Variants in ZNF385D observed in about 807,000 individuals in gnomAD.
ZNF385D encodes zinc finger protein 385D.
ZNF385D carries 15 observed loss-of-function variants against 35.8 expected under a neutral mutation model. The observed-to-expected ratio is 0.42, with a 90% CI of 0.28 to 0.64. The LOEUF is 0.64. Among genes scored for constraint, ZNF385D ranks in the 30% least tolerant of loss-of-function variants. The pLI is 0.23. For missense variants in ZNF385D, 474 were observed against 494.6 expected, an observed-to-expected ratio of 0.96 and a Z score of 0.39; for synonymous variants, 212 against 186.8, an observed-to-expected ratio of 1.13 and a Z score of -1.10.
chr3:21,607,841 C>G (rs938921509), intron 2 of ZNF385D, among the ~76,000 whole-genome samples: 1 of 152,028 alleles, frequency 6.6e-6, no homozygotes, highest in Non-Finnish European at 1.5e-5. Flanking sequence ...TAAGCCATGT[C>G]CCTGATAGCT....
intron 2 of ZNF385D, among the ~76,000 whole-genome samples, chr3:22,358,722 T>C (rs148969492): frequency 4.2e-4 from 64 of 151,820 alleles, no homozygotes; most frequent in African/African-American, 1.5e-3. Flanking sequence ...AAAAATAAGA[T>C]ACTATTTTGA....
intron 3 of ZNF385D, among the ~76,000 whole-genome samples, chr3:22,047,465 T>C (rs967071185): frequency 4.6e-5 from 7 of 152,122 alleles, no homozygotes; most frequent in African/African-American, 1.4e-4. Context: ...GTTAAATTTT[T>C]TGAGATTCAA....
intron 2 of ZNF385D, among the ~76,000 whole-genome samples, chr3:22,213,734 G>C (rs1183942760): frequency 6.6e-6 from 1 of 151,974 alleles, no homozygotes; most frequent in Non-Finnish European, 1.5e-5. Flanking sequence ...ACCAAATTCT[G>C]TTCCTCAGTA....
chr3:22,200,882 C>T (rs745679199), intron 2 of ZNF385D, among the ~76,000 whole-genome samples: 38 of 152,142 alleles, frequency 2.5e-4, no homozygotes, highest in Non-Finnish European at 4.9e-4. Context: ...GGCTCACCAG[C>T]GGTCAGAGTG....
intron 2 of ZNF385D, among the ~76,000 whole-genome samples, chr3:22,202,499 C>A (rs1207391915): frequency 1.3e-5 from 2 of 152,030 alleles, no homozygotes; most frequent in African/African-American, 4.8e-5. Context: ...AGCAAGATGG[C>A]CAAATGGAAG....
chr3:21,818,887 A>C (rs2073274854), intron 3 of ZNF385D, among the ~76,000 whole-genome samples: 1 of 152,080 alleles, frequency 6.6e-6, no homozygotes, highest in Non-Finnish European at 1.5e-5. Flanking sequence ...AAATGAGCAA[A>C]GAAACTGAGA....
At chr3:21,942,456 T>C (rs143600265) in intron 3 of ZNF385D, 149 of 152,326 alleles carry the variant, frequency 9.8e-4, no homozygotes, top group African/African-American at 3.1e-3. Flanking sequence ...AGAAACTTAG[T>C]AAGCGAATAA....
chr3:22,253,843 C>T (rs913402039), intron 2 of ZNF385D, among the ~76,000 whole-genome samples: 1 of 143,500 alleles, frequency 7.0e-6, no homozygotes, highest in Admixed American at 7.0e-5. Context: ...CAGAAACAAA[C>T]AAAACATGAC....
chr3:21,969,808 C>A (rs1018344444), intron 3 of ZNF385D, among the ~76,000 whole-genome samples: 2 of 151,924 alleles, frequency 1.3e-5, no homozygotes, highest in African/African-American at 4.8e-5. Context: ...TGGTGGGTGG[C>A]TTCAGGGGTG....
intron 3 of ZNF385D, among the ~76,000 whole-genome samples, chr3:21,803,533 T>C (rs1432643711): frequency 6.6e-6 from 1 of 152,150 alleles, no homozygotes; most frequent in African/African-American, 2.4e-5. Flanking sequence ...ACATTTCAGC[T>C]TAATTTTACA....
intron 3 of ZNF385D, among the ~76,000 whole-genome samples, chr3:22,043,021 T>G (rs9824124): frequency 0.016 from 2,396 of 152,252 alleles, 68 homozygotes; most frequent in African/African-American, 0.055. Context: ...TTTCAGAGCT[T>G]AACAAGGCTC....
At chr3:21,573,376 C>A (rs769603175) in intron 2 of ZNF385D, among the ~76,000 whole-genome samples, 1 of 152,072 alleles carries the variant, frequency 6.6e-6, no homozygotes, top group African/African-American at 2.4e-5. Flanking sequence ...GGTTTTTACA[C>A]AAATGGTTGG....
chr3:22,072,763 T>G (rs761062945), intron 3 of ZNF385D, among the ~76,000 whole-genome samples: 3 of 151,146 alleles, frequency 2.0e-5, no homozygotes, highest in African/African-American at 7.3e-5. Context: ...ATATTGAAGG[T>G]TGGGAGAAGG....
At chr3:22,332,861 G>T (rs979771470) in intron 2 of ZNF385D, among the ~76,000 whole-genome samples, 1 of 151,292 alleles carries the variant, frequency 6.6e-6, no homozygotes, top group South Asian at 2.1e-4. Context: ...AAATGTAGTA[G>T]TTATTATATT....
At chr3:21,542,208 A>G (rs1429538538) in intron 3 of ZNF385D, among the ~76,000 whole-genome samples, 1 of 152,218 alleles carries the variant, frequency 6.6e-6, no homozygotes, top group Admixed American at 6.5e-5. Context: ...TCAGAGAATC[A>G]GTTACTTAGG....
At chr3:21,476,949 G>T (rs1704286949) in intron 4 of ZNF385D, among the ~76,000 whole-genome samples, 2 of 152,082 alleles carry the variant, frequency 1.3e-5, no homozygotes, top group Non-Finnish European at 2.9e-5. Flanking sequence ...AGAATGTTCT[G>T]AACCATTCTA....
chr3:21,936,329 T>C (rs966560177), intron 3 of ZNF385D, among the ~76,000 whole-genome samples: 15 of 152,108 alleles, frequency 9.9e-5, no homozygotes, highest in South Asian at 8.3e-4. Flanking sequence ...TCTTAGCGTA[T>C]TGAGGCTAAA....
intron 2 of ZNF385D, among the ~76,000 whole-genome samples, chr3:22,195,841 C>G (rs756511526): frequency 8.6e-5 from 13 of 151,866 alleles, no homozygotes; most frequent in Non-Finnish European, 1.5e-4. Flanking sequence ...ATTATACAGC[C>G]ATAAAAAAGA....
At chr3:21,541,741 G>T (rs2062182065) in intron 3 of ZNF385D, among the ~76,000 whole-genome samples, 1 of 152,120 alleles carries the variant, frequency 6.6e-6, no homozygotes, top group Non-Finnish European at 1.5e-5. Flanking sequence ...ACAGGAACTA[G>T]GATTAATGAA....
Sources: gnomAD v4.1 joint callset for allele counts (sites outside exome capture counted in the v4.1 genomes callset) on GRCh38, gnomAD v4.1.1 for gene constraint, MANE v1.5 for transcripts, NCBI Gene and HGNC (gene_info 2026-07-23, HGNC 2026-07-21) for gene names.